Variants in CHRM3 observed in about 807,000 individuals in gnomAD.
The protein encoded by CHRM3 is muscarinic acetylcholine receptor M3.
Under a neutral mutation model 41.8 loss-of-function variants are expected in CHRM3, and 11 were observed. That is an observed-to-expected ratio of 0.26 (90% CI 0.17 to 0.44). CHRM3 has a LOEUF of 0.44. Among genes scored for constraint, CHRM3 ranks in the 20% least tolerant of loss-of-function variants. CHRM3 has a pLI of 1.00. For synonymous variants in CHRM3, 297 were observed against 301.4 expected (o/e 0.99, Z 0.15); for missense variants, 571 against 745.4 (o/e 0.77, Z 2.72).
intron 5 of CHRM3, among the ~76,000 whole-genome samples, chr1:239,804,155 T>C (rs1166472171): frequency 6.6e-6 from 1 of 152,152 alleles, no homozygotes; most frequent in African/African-American, 2.4e-5. Context: ...ATCCATGGAA[T>C]GTGGCTTTAC....
At chr1:239,467,963 T>A (rs1345656229) in intron 1 of CHRM3, among the ~76,000 whole-genome samples, 1 of 151,492 alleles carries the variant, frequency 6.6e-6, no homozygotes, top group African/African-American at 2.4e-5. Context: ...CTTCTCAGAG[T>A]CTGAGGGTGT....
chr1:239,418,082 A>T (rs1313678154), intron 1 of CHRM3, among the ~76,000 whole-genome samples: 1 of 152,186 alleles, frequency 6.6e-6, no homozygotes, highest in African/African-American at 2.4e-5. Flanking sequence ...GCTGAAGCAA[A>T]AATGCTACAT....
At chr1:239,882,742 CAT>C (rs1477492257) in intron 6 of CHRM3, among the ~76,000 whole-genome samples, 1 of 152,206 alleles carries the variant, frequency 6.6e-6, no homozygotes, top group Non-Finnish European at 1.5e-5. Context: ...TTTAGAATAT[CAT>C]ATGTGTGTGC....
chr1:239,448,794 T>C (rs1664349486), intron 1 of CHRM3, among the ~76,000 whole-genome samples: 1 of 152,176 alleles, frequency 6.6e-6, no homozygotes, highest in Admixed American at 6.5e-5. Context: ...TTTGTTTGTT[T>C]TGTTTTGTTT....
intron 1 of CHRM3, among the ~76,000 whole-genome samples, chr1:239,478,955 G>T (rs575311635): frequency 3.3e-5 from 5 of 152,232 alleles, no homozygotes; most frequent in African/African-American, 9.6e-5. Context: ...GGCTGAGGCG[G>T]GTAGATCACT....
intron 5 of CHRM3, among the ~76,000 whole-genome samples, chr1:239,695,967 T>C (rs1008005249): frequency 6.6e-6 from 1 of 152,230 alleles, no homozygotes; most frequent in Non-Finnish European, 1.5e-5. Flanking sequence ...CGCATTGTTA[T>C]ATATAGTAGC....
At chr1:239,603,598 T>C (rs1462761151) in intron 3 of CHRM3, among the ~76,000 whole-genome samples, 1 of 152,150 alleles carries the variant, frequency 6.6e-6, no homozygotes, top group African/African-American at 2.4e-5. Flanking sequence ...CAGGGGCTTC[T>C]ATCTTTCTTT....
At chr1:239,820,890 T>A (rs963385453) in intron 5 of CHRM3, among the ~76,000 whole-genome samples, 4 of 152,184 alleles carry the variant, frequency 2.6e-5, no homozygotes, top group African/African-American at 7.2e-5. Flanking sequence ...AAATAAATTT[T>A]AAAAAATGTT....
intron 5 of CHRM3, among the ~76,000 whole-genome samples, chr1:239,687,401 A>G (rs1659251411): frequency 6.6e-6 from 1 of 152,158 alleles, no homozygotes; most frequent in Non-Finnish European, 1.5e-5. Flanking sequence ...GTTATTTATC[A>G]GAGCATCATG....
At chr1:239,644,193 C>T (rs1671521005) in intron 4 of CHRM3, among the ~76,000 whole-genome samples, 1 of 152,142 alleles carries the variant, frequency 6.6e-6, no homozygotes, top group Admixed American at 6.5e-5. Flanking sequence ...CTGCACATAG[C>T]TTGAAATCAC....
chr1:239,667,898 G>C (rs960491912), intron 4 of CHRM3, among the ~76,000 whole-genome samples: 2 of 151,920 alleles, frequency 1.3e-5, no homozygotes, highest in African/African-American at 4.8e-5. Flanking sequence ...TGTAACTCTA[G>C]TACAAACCCA....
chr1:239,479,740 A>G (rs760345002), intron 1 of CHRM3, among the ~76,000 whole-genome samples: 7 of 152,220 alleles, frequency 4.6e-5, no homozygotes, highest in Non-Finnish European at 1.0e-4. Flanking sequence ...TCAACATAGA[A>G]AAGTCAAAGT....
At chr1:239,533,282 C>T (rs1657841507) in intron 2 of CHRM3, among the ~76,000 whole-genome samples, 1 of 152,044 alleles carries the variant, frequency 6.6e-6, no homozygotes, top group South Asian at 2.1e-4. Context: ...AAGAAATACC[C>T]GAGAGTGGGT....
intron 4 of CHRM3, among the ~76,000 whole-genome samples, chr1:239,666,337 G>A (rs1051681926): frequency 1.4e-5 from 2 of 147,484 alleles, no homozygotes; most frequent in Non-Finnish European, 3.0e-5. Flanking sequence ...TGGGACTACG[G>A]GTGCCTGCCA....
At chr1:239,454,093 G>A (rs984752062) in intron 1 of CHRM3, among the ~76,000 whole-genome samples, 2 of 151,966 alleles carry the variant, frequency 1.3e-5, no homozygotes, top group African/African-American at 4.8e-5. Context: ...GCTGACTGGG[G>A]GCCCTACAAT....
intron 5 of CHRM3, among the ~76,000 whole-genome samples, chr1:239,808,405 GA>G (rs1670833316): frequency 6.6e-6 from 1 of 152,112 alleles, no homozygotes. Flanking sequence ...CGAACAAAGG[GA>G]GACAGAGTTT....
chr1:239,804,343 T>TG (rs1323714385), intron 5 of CHRM3, among the ~76,000 whole-genome samples: 2 of 10,932 alleles, frequency 1.8e-4, no homozygotes, highest in East Asian at 7.4e-3. Context: ...ATTCATTGTG[T>TG]TTTTTTTTTA....
At chr1:239,397,606 A>C (rs1007077662) in intron 1 of CHRM3, among the ~76,000 whole-genome samples, 4 of 151,700 alleles carry the variant, frequency 2.6e-5, no homozygotes, top group African/African-American at 4.8e-5. Flanking sequence ...CGGGAGGCAG[A>C]GGTTGCAGTG....
chr1:239,610,754 C>T (rs1469158350), intron 3 of CHRM3, among the ~76,000 whole-genome samples: 1 of 152,162 alleles, frequency 6.6e-6, no homozygotes, highest in Non-Finnish European at 1.5e-5. Flanking sequence ...CAACTGTTTT[C>T]TTTTAAGAAA....
Sources: allele counts gnomAD v4.1 joint callset (sites outside exome capture counted in the v4.1 genomes callset), GRCh38; gene constraint gnomAD v4.1.1; transcripts MANE v1.5; gene names NCBI Gene and HGNC (gene_info 2026-07-23, HGNC 2026-07-21).